CGAS: variants seen among roughly 807,000 people sequenced by gnomAD.
The protein encoded by CGAS is cyclic GMP-AMP synthase.
Under a neutral mutation model 34.0 loss-of-function variants are expected in CGAS, and 31 were observed. That is an observed-to-expected ratio of 0.91 (90% CI 0.69 to 1.23). CGAS has a LOEUF of 1.23. Among genes scored for constraint, CGAS ranks in the 50% most tolerant of loss-of-function variants. The pLI is 0.00. For synonymous variants in CGAS, 266 were observed against 260.0 expected, an observed-to-expected ratio of 1.02 and a Z score of -0.22; for missense variants, 597 against 657.6, an observed-to-expected ratio of 0.91 and a Z score of 1.01.
At position 73,431,659 on chromosome 6, in the gene CGAS, A is replaced by G. The variant is rs76780405; in HGVS notation, c.1115-2848T>C. Among the ~76,000 whole-genome samples, 1,430 of 152,308 alleles carry G rather than the reference A, an allele frequency of 9.4e-3. 20 individuals are homozygous for G. The highest frequency in any genetic ancestry group is 0.032 in the African/African-American group (1,342 of 41,570). ...ATTCAAGGAATAAAAAAGTTATGAA[A>G]GAGGAAGTTATGAGTTAAAAGAGAT... On this transcript the variant is annotated intron_variant, in intron 3 of 4. Transcript: ENST00000370315.
intron 3 of CGAS, among the ~76,000 whole-genome samples, chr6:73,432,746 A>G (rs1485687677): frequency 6.6e-6 from 1 of 151,846 alleles, no homozygotes; most frequent in African/African-American, 2.4e-5. Context: ...ATGAGCCAAC[A>G]CTCCTGGCCC....
At chr6:73,436,795 T>G (rs973316477) in intron 3 of CGAS, among the ~76,000 whole-genome samples, 1 of 151,970 alleles carries the variant, frequency 6.6e-6, no homozygotes, top group African/African-American at 2.4e-5. Context: ...AGTACTGGAT[T>G]ATAGGTTTGA....
chr6:73,440,556 G>T, intron 2 of CGAS, 111 bp from the exon 3 acceptor site: 2 of 945,028 alleles, frequency 2.1e-6, no homozygotes, highest in Non-Finnish European at 1.6e-6. Flanking sequence ...TAAGTATGAA[G>T]TAAACATTAG....
At chr6:73,446,472 TC>T (rs1770473001) in intron 1 of CGAS, among the ~76,000 whole-genome samples, 1 of 59,852 alleles carries the variant, frequency 1.7e-5, no homozygotes. Flanking sequence ...ACGCCTGTAA[TC>T]CCAGCACTTT....
chr6:73,428,223 CA>C lies in CGAS; in HGVS notation c.1217+485del, dbSNP rs939893499. On this transcript the variant is annotated intron_variant, in intron 4 of 4. Coordinates refer to ENST00000370315, the MANE Select transcript of CGAS (RefSeq NM_138441.3). ...TGGGTGACAGAGTGAAAGTCTGTCT[CA>C]AAAAAAAAAATTACTCACTTAGTGT... 4.6e-4 allele frequency among the ~76,000 whole-genome samples: 66 copies of C among 144,398 alleles called. 2 individuals are homozygous for C. In the East Asian group the frequency reaches 0.011, roughly 24 times the overall value. The allele number at this position is 144,398 out of a possible 152,430, so 94.7% of individuals were successfully genotyped here. A position where few individuals can be genotyped will look rare whatever the true frequency, so the allele number is the denominator to read the frequency against.
At chr6:73,438,780 T>G (rs1362564632) in intron 3 of CGAS, among the ~76,000 whole-genome samples, 1 of 151,850 alleles carries the variant, frequency 6.6e-6, no homozygotes, top group Non-Finnish European at 1.5e-5. Context: ...GTGATTTACC[T>G]TCCAGTGTTC....
At position 73,429,073 on chromosome 6, in the gene CGAS, C is replaced by G. The variant is rs575576788; in HGVS notation, c.1115-262G>C. 7.2e-3 allele frequency among the ~76,000 whole-genome samples: 1,089 copies of G among 151,812 alleles called. 17 individuals are homozygous for G. Among genetic ancestry groups the G allele is most frequent in the African/African-American group, 0.025 (1,019 of 41,394 alleles). ...GGCATGGTGGCACATGCCTGTAATC[C>G]CAGCTACTCGGGAGGCTGAGGAAGG... is the stretch of plus-strand genomic sequence containing the variant. On this transcript the variant is annotated intron_variant, in intron 3 of 4. Transcript: ENST00000370315.
intron 3 of CGAS, among the ~76,000 whole-genome samples, chr6:73,435,379 G>A (rs992207397): frequency 6.6e-6 from 1 of 152,180 alleles, no homozygotes; most frequent in African/African-American, 2.4e-5. Context: ...GGTTGAGAGT[G>A]AAACAGGTAC....
intron 1 of CGAS, among the ~76,000 whole-genome samples, chr6:73,448,075 C>A (rs1203283335): frequency 1.3e-5 from 2 of 152,018 alleles, no homozygotes; most frequent in African/African-American, 4.8e-5. Context: ...TGTTCCTTTT[C>A]TTTACCAGTT....
chr6:73,431,739 A>G (rs1770198122), intron 3 of CGAS, among the ~76,000 whole-genome samples: 1 of 152,240 alleles, frequency 6.6e-6, no homozygotes, highest in Admixed American at 6.5e-5. Flanking sequence ...ATCCTGATCC[A>G]AACAGACTGA....
At chr6:73,437,551 G>A (rs1402972597) in intron 3 of CGAS, among the ~76,000 whole-genome samples, 1 of 151,930 alleles carries the variant, frequency 6.6e-6, no homozygotes, top group East Asian at 1.9e-4. Context: ...CAATCCTCCC[G>A]CCTCAACTTC....
In CGAS at chr6:73,451,823, G is replaced by A; in HGVS notation, c.359C>T (p.Ser120Phe). The change falls in exon 1 of 5, where the codon TCT becomes TTT. Residue 120 changes from serine to phenylalanine, a missense_variant. Coordinates refer to ENST00000370315, the MANE Select transcript of CGAS (RefSeq NM_138441.3). The stretch of plus-strand genomic sequence containing the variant: ...GCAGCGCGCGCCCCTCTGGCGGCAA[G>A]AACCAGCCCTGGAAAGAGCCGGCTC... ...AREPALSRAGSCRQRGARCST... is the reference protein window; with the variant it reads ...AREPALSRAGFCRQRGARCST... 1.3e-6 allele frequency: 2 copies of A among 1,555,588 alleles called. No homozygotes were observed. The highest frequency in any genetic ancestry group is 1.7e-6 in the Non-Finnish European group (2 of 1,150,754).
chr6:73,438,048 G>A (rs1268610925), intron 3 of CGAS, among the ~76,000 whole-genome samples: 2 of 151,678 alleles, frequency 1.3e-5, no homozygotes, highest in Non-Finnish European at 2.9e-5. Flanking sequence ...CAGCCTGGGC[G>A]ACACAGCGAG....
At position 73,440,241 on chromosome 6, in the gene CGAS, G is replaced by A; in HGVS notation, c.1082C>T (p.Pro361Leu). The A allele has an allele frequency of 6.2e-7, 1 of 1,613,698 alleles. No individual in the cohort carries two copies. Among genetic ancestry groups the A allele is most frequent in the African/African-American group, 1.3e-5 (1 of 75,020 alleles). Residue 361 changes from proline to leucine, a missense_variant, in exon 3 of 5, where the codon CCC becomes CTC. This residue lies in a region of CGAS where 271 missense variants were observed against 324.1 expected (regional missense o/e 0.84). Coordinates refer to ENST00000370315, the MANE Select transcript of CGAS (RefSeq NM_138441.3). ...QLRLKPFYLV[P>L]KHAKEGNGFQ... ...ACCATTTCCTTCCTTTGCATGCTTG[G>A]GTACAAGGTAAAATGGCTTTAGTCG...
intron 1 of CGAS, among the ~76,000 whole-genome samples, chr6:73,446,734 C>CAAAAAA (rs1195262271): frequency 2.0e-3 from 1 of 502 alleles, no homozygotes; most frequent in African/African-American, 0.01. Context: ...GACTCCGTCT[C>CAAAAAA]AAAAAAAAAA....
At chr6:73,447,838 T>C (rs975784858) in intron 1 of CGAS, among the ~76,000 whole-genome samples, 1 of 152,224 alleles carries the variant, frequency 6.6e-6, no homozygotes, top group African/African-American at 2.4e-5. Flanking sequence ...TTTTTGTTTA[T>C]TGACTTTGCA....
At chr6:73,451,478 G>C (rs1770563697) in intron 1 of CGAS, 47 bp downstream of exon 1, 1 of 1,507,748 alleles carries the variant, frequency 6.6e-7, no homozygotes, top group Non-Finnish European at 8.9e-7. Context: ...TGCGGATTGC[G>C]GAAGGCCGAG....
At chr6:73,434,148 T>G (rs1015955706) in intron 3 of CGAS, among the ~76,000 whole-genome samples, 10 of 152,210 alleles carry the variant, frequency 6.6e-5, no homozygotes, top group African/African-American at 2.4e-4. Context: ...AATAAAGAGT[T>G]CAGGGATAGC....
intron 3 of CGAS, among the ~76,000 whole-genome samples, chr6:73,429,512 T>C (rs1582649590): frequency 6.6e-6 from 1 of 152,058 alleles, no homozygotes; most frequent in Admixed American, 6.6e-5. Flanking sequence ...TTATTCTTAT[T>C]TATGAGAGTT....
Sources: allele counts gnomAD v4.1 joint callset (sites outside exome capture counted in the v4.1 genomes callset), GRCh38; gene constraint gnomAD v4.1.1; regional missense constraint gnomAD v4.1.1; transcripts MANE v1.5; gene names NCBI Gene and HGNC (gene_info 2026-07-23, HGNC 2026-07-21).